The following ZDHHC14 variants were observed in gnomAD, a reference collection of about 807,000 sequenced individuals.
The protein encoded by ZDHHC14 is palmitoyltransferase ZDHHC14.
ZDHHC14 carries 16 observed loss-of-function variants against 47.7 expected under a neutral mutation model. The ratio of observed to expected loss-of-function variants is 0.34; its 90% CI spans 0.23 to 0.51. The LOEUF is 0.51. Among genes scored for constraint, ZDHHC14 ranks in the 20% least tolerant of loss-of-function variants. The probability of loss-of-function intolerance (pLI) is 0.97; values close to 1 mark genes in which losing one functional copy is unlikely to be tolerated. For synonymous variants in ZDHHC14, 293 were observed against 278.9 expected, an observed-to-expected ratio of 1.05 and a Z score of -0.50; for missense variants, 515 against 662.5, an observed-to-expected ratio of 0.78 and a Z score of 2.44.
chr6:157,669,983 G>A (rs766999172), intron 8 of ZDHHC14, among the ~76,000 whole-genome samples: 11 of 152,264 alleles, frequency 7.2e-5, no homozygotes, highest in Non-Finnish European at 1.3e-4. Flanking sequence ...GTTTCCAGAA[G>A]ACGAATGTTT....
At chr6:157,533,707 C>T (rs528056338) in intron 1 of ZDHHC14, among the ~76,000 whole-genome samples, 8 of 152,144 alleles carry the variant, frequency 5.3e-5, no homozygotes, top group Non-Finnish European at 7.4e-5. Flanking sequence ...GTGCATTGGG[C>T]ACGGAGTGCA....
chr6:157,574,656 C>G (rs1002120506), intron 2 of ZDHHC14, among the ~76,000 whole-genome samples: 6 of 152,192 alleles, frequency 3.9e-5, no homozygotes, highest in Non-Finnish European at 1.5e-5. Flanking sequence ...CTGCCTGGCT[C>G]TCATTCATTA....
chr6:157,673,504 C>A lies in ZDHHC14; in HGVS notation c.*382C>A. 4.9e-6 allele frequency: 1 copy of A among 205,034 alleles called. No homozygotes were observed. Among genetic ancestry groups the A allele is most frequent in the South Asian group, 1.8e-4 (1 of 5,524 alleles). The allele number at this position is 205,034 out of a possible 1,614,324, so 12.7% of individuals were successfully genotyped here. On this transcript the variant is annotated 3_prime_UTR_variant, in exon 9 of 9. Transcript: ENST00000359775. The surrounding 1 kb of genome is among the most constrained non-coding windows in gnomAD (Gnocchi z 5.4). ...TGTGTTATGCTACTAATATTTGAAA[C>A]AGACCTGCCATTCCATTTGTTAATT... is the stretch of plus-strand genomic sequence containing the variant.
intron 1 of ZDHHC14, among the ~76,000 whole-genome samples, chr6:157,517,661 A>G (rs1244079542): frequency 6.6e-6 from 1 of 152,140 alleles, no homozygotes; most frequent in Admixed American, 6.5e-5. Flanking sequence ...TCTGTCAGGT[A>G]CATCCCAAAC....
chr6:157,667,716 G>A (rs1279135500), intron 8 of ZDHHC14, among the ~76,000 whole-genome samples: 2 of 151,950 alleles, frequency 1.3e-5, no homozygotes, highest in African/African-American at 4.8e-5. Flanking sequence ...TCTCAAATGA[G>A]AATCACAGCC....
At chr6:157,436,338 C>T (rs1046330809) in intron 1 of ZDHHC14, among the ~76,000 whole-genome samples, 45 of 152,258 alleles carry the variant, frequency 3.0e-4, no homozygotes, top group African/African-American at 9.9e-4. Context: ...TGAGTCCACA[C>T]GCAGTGAAGC....
rs773447181 is a variant in ZDHHC14 at position 157,382,031 on chromosome 6, G to A, written c.10G>A (p.Gly4Ser). The A allele has an allele frequency of 3.3e-6, 5 of 1,504,640 alleles. No individual in the cohort carries two copies. Among genetic ancestry groups the A allele is most frequent in the South Asian group, 1.3e-5 (1 of 78,400 alleles). 93.2% of individuals were successfully genotyped at this position (1,504,640 alleles called of 1,614,324 possible). Residue 4 changes from glycine (G) to serine (S), a missense_variant, in exon 1 of 9, where the codon GGC (glycine) becomes AGC (serine). Physicochemically the swap from Gly to Ser is moderately conservative, Grantham distance 56. Coordinates refer to ENST00000359775, the MANE Select transcript of ZDHHC14 (RefSeq NM_024630.3). Reference sequence around the variant, plus strand: ...CCGGCTGCCCTCGTGGATGCCTCCCGGCGGCGGCGGGCCCATGAAAGACTG... The same window carrying A: ...CCGGCTGCCCTCGTGGATGCCTCCCAGCGGCGGCGGGCCCATGAAAGACTG... The part of the protein sequence containing the change: MPP[G>S]GGGPMKDCEY...
chr6:157,512,131 A>G (rs1390627531), intron 1 of ZDHHC14, among the ~76,000 whole-genome samples: 1 of 152,222 alleles, frequency 6.6e-6, no homozygotes, highest in East Asian at 1.9e-4. Flanking sequence ...CGGTAGGTCC[A>G]ATTATTATCC....
chr6:157,400,624 A>G (rs1359453756), intron 1 of ZDHHC14, among the ~76,000 whole-genome samples: 1 of 152,166 alleles, frequency 6.6e-6, no homozygotes, highest in Non-Finnish European at 1.5e-5. Context: ...ACACTACTCC[A>G]TACCCCAGTC....
intron 1 of ZDHHC14, among the ~76,000 whole-genome samples, chr6:157,438,864 CA>C (rs1778499939): frequency 6.6e-6 from 1 of 152,120 alleles, no homozygotes; most frequent in Non-Finnish European, 1.5e-5. Context: ...TGGAGGATTG[CA>C]GAGAAAGCTG....
intron 3 of ZDHHC14, among the ~76,000 whole-genome samples, chr6:157,625,111 A>G (rs548255710): frequency 1.2e-4 from 19 of 152,216 alleles, no homozygotes; most frequent in Admixed American, 2.6e-4. Flanking sequence ...CCCCTCTTCA[A>G]TGCCCCACCT....
chr6:157,562,398 AG>A, intron 2 of ZDHHC14, among the ~76,000 whole-genome samples: 1 of 152,140 alleles, frequency 6.6e-6, no homozygotes, highest in East Asian at 1.9e-4. Flanking sequence ...AAGCTCTGTG[AG>A]CGTGGCGAGG....
intron 8 of ZDHHC14, among the ~76,000 whole-genome samples, chr6:157,662,260 C>T (rs1193293216): frequency 2.0e-5 from 3 of 152,224 alleles, no homozygotes; most frequent in Non-Finnish European, 2.9e-5. Flanking sequence ...CTGCTCACTG[C>T]ACTCTTGACC....
intron 1 of ZDHHC14, among the ~76,000 whole-genome samples, chr6:157,395,524 G>T (rs561747632): frequency 1.8e-4 from 28 of 151,920 alleles, no homozygotes; most frequent in Non-Finnish European, 1.6e-4. Flanking sequence ...CGCCGGGCGC[G>T]GTGGCTCATG....
At chr6:157,450,252 CA>C (rs971522092) in intron 1 of ZDHHC14, among the ~76,000 whole-genome samples, 5 of 151,936 alleles carry the variant, frequency 3.3e-5, no homozygotes, top group African/African-American at 1.2e-4. Flanking sequence ...GCTTTTGAGA[CA>C]CACGGTAACA....
intron 1 of ZDHHC14, among the ~76,000 whole-genome samples, chr6:157,529,382 T>C (rs1781285596): frequency 6.6e-6 from 1 of 152,236 alleles, no homozygotes; most frequent in Non-Finnish European, 1.5e-5. Context: ...CTTTGTTTAG[T>C]ATACATGTAT....
intron 8 of ZDHHC14, among the ~76,000 whole-genome samples, chr6:157,658,735 C>T (rs890491389): frequency 2.6e-5 from 4 of 152,096 alleles, no homozygotes; most frequent in Non-Finnish European, 5.9e-5. Flanking sequence ...TGTTAAGGAT[C>T]GTTCTGTCTG....
rs930837745 is a variant in ZDHHC14 at position 157,469,120 on chromosome 6, G to C, written c.246-73465G>C. Among the ~76,000 whole-genome samples the C allele has an allele frequency of 2.0e-5, 3 of 152,320 alleles. No individual in the cohort carries two copies. The South Asian group carries it at 6.2e-4, about 32-fold the overall frequency. ...AATCTAGCCTACTGCAGCTGGGACA[G>C]CAGGCAGCTGCCCACATGTCCAGCA... On this transcript the variant is annotated intron_variant, in intron 1 of 8. Transcript: ENST00000359775.
intron 2 of ZDHHC14, among the ~76,000 whole-genome samples, chr6:157,550,642 T>C (rs950992163): frequency 6.6e-6 from 1 of 152,216 alleles, no homozygotes; most frequent in Non-Finnish European, 1.5e-5. Flanking sequence ...TGGTGTCACA[T>C]AGGGATTCTA....
Sources: allele counts gnomAD v4.1 joint callset (sites outside exome capture counted in the v4.1 genomes callset), GRCh38; gene constraint gnomAD v4.1.1; non-coding constraint Gnocchi (gnomAD v3.1); transcripts MANE v1.5; gene names NCBI Gene and HGNC (gene_info 2026-07-23, HGNC 2026-07-21).